Variants in PAX7 observed in about 807,000 individuals in gnomAD.
PAX7 encodes the protein paired box protein Pax-7.
Under a neutral mutation model 50.7 loss-of-function variants are expected in PAX7, and 18 were observed. The observed-to-expected ratio is 0.36, with a 90% CI of 0.25 to 0.53. The LOEUF (loss-of-function observed/expected upper bound fraction) is 0.53, where lower values mean the gene tolerates loss of function less well. Ranked by LOEUF, PAX7 falls within the 20% of genes least tolerant of loss-of-function variation. The probability of loss-of-function intolerance (pLI) is 0.93; values close to 1 mark genes in which losing one functional copy is unlikely to be tolerated. For missense variants in PAX7, 644 were observed against 702.9 expected (o/e 0.92, Z 0.95); for synonymous variants, 310 against 290.4 (o/e 1.07, Z -0.69).
intron 5 of PAX7, among the ~76,000 whole-genome samples, chr1:18,694,158 T>C (rs937431257): frequency 6.6e-6 from 1 of 152,068 alleles, no homozygotes; most frequent in Non-Finnish European, 1.5e-5. Context: ...ACAAAAAACG[T>C]TTGAGTTTTT....
intron 4 of PAX7, among the ~76,000 whole-genome samples, chr1:18,676,156 G>A (rs1219671598): frequency 6.6e-6 from 1 of 152,102 alleles, no homozygotes; most frequent in East Asian, 1.9e-4. Flanking sequence ...AAAATTTCTC[G>A]TTTTCTGCCT....
chr1:18,643,885 G>A (rs2088298140), intron 4 of PAX7, among the ~76,000 whole-genome samples: 1 of 152,174 alleles, frequency 6.6e-6, no homozygotes. Flanking sequence ...CTCCAACCCG[G>A]GGCGCTGGGC....
chr1:18,668,879 C>A (rs547324297), intron 4 of PAX7, among the ~76,000 whole-genome samples: 1 of 152,208 alleles, frequency 6.6e-6, no homozygotes, highest in Non-Finnish European at 1.5e-5. Context: ...TTGAGGCAGG[C>A]GGGTGTGTCT....
chr1:18,680,540 C>T (rs1157391505), intron 4 of PAX7, among the ~76,000 whole-genome samples: 1 of 152,182 alleles, frequency 6.6e-6, no homozygotes, highest in East Asian at 1.9e-4. Flanking sequence ...GAACGAGGCT[C>T]AGGACTTAAA....
Position 18,735,519 on chromosome 1 carries a change from A to G in PAX7, c.1156-113A>G. On this transcript the variant is annotated intron_variant, in intron 7 of 8. Coordinates refer to ENST00000420770, the MANE Select transcript of PAX7 (RefSeq NM_001135254.2). This position sits in a 1 kb window ranked among gnomAD's most constrained non-coding sequence, Gnocchi z 4.0. ...GGACCTCGAAGCTACAGAGACTTCA[A>G]GGGAACAACTCTGGCAAAGAGTGTT... The G allele has an allele frequency of 6.6e-7, 1 of 1,508,230 alleles. No homozygotes were observed. Among genetic ancestry groups the G allele is most frequent in the Non-Finnish European group, 8.9e-7 (1 of 1,126,082 alleles). 93.4% of individuals were successfully genotyped at this position (1,508,230 alleles called of 1,614,324 possible).
chr1:18,672,607 T>G lies in PAX7; in HGVS notation c.587-19147T>G, dbSNP rs552890996. Among the ~76,000 whole-genome samples the G allele has an allele frequency of 3.0e-3, 451 of 148,030 alleles. 4 individuals carry two copies. Among genetic ancestry groups the G allele is most frequent in the African/African-American group, 0.01 (412 of 39,360 alleles). On this transcript the variant is annotated intron_variant, in intron 4 of 8. Coordinates refer to ENST00000420770, the MANE Select transcript of PAX7 (RefSeq NM_001135254.2). ...CTGGAGAGCACTGTGTTTTTTTTTT[T>G]TTTTTTTTTTGTGAGACTAAGTCTC...
intron 4 of PAX7, among the ~76,000 whole-genome samples, chr1:18,653,082 C>T (rs1463095050): frequency 1.3e-5 from 2 of 152,226 alleles, no homozygotes; most frequent in Non-Finnish European, 2.9e-5. Flanking sequence ...TCAGCTGATT[C>T]ACAGGGTCCT....
chr1:18,698,632 C>A (rs920419710), intron 5 of PAX7, among the ~76,000 whole-genome samples: 57 of 152,354 alleles, frequency 3.7e-4, no homozygotes, highest in Non-Finnish European at 1.5e-5. Context: ...AGCCTGGAAG[C>A]TCGGAGGCAA....
chr1:18,715,192 C>T (rs953850784), intron 7 of PAX7, among the ~76,000 whole-genome samples: 5 of 151,734 alleles, frequency 3.3e-5, no homozygotes, highest in Admixed American at 1.3e-4. Context: ...ATTGTCATCT[C>T]AAGCCCACCC....
At chr1:18,709,556 T>C (rs1039128552) in intron 7 of PAX7, among the ~76,000 whole-genome samples, 28 of 152,200 alleles carry the variant, frequency 1.8e-4, no homozygotes, top group Non-Finnish European at 3.4e-4. Context: ...GCAGAGATCA[T>C]GCTTACAGAG....
chr1:18,740,435 T>A (rs1452628885), intron 8 of PAX7, among the ~76,000 whole-genome samples: 1 of 152,204 alleles, frequency 6.6e-6, no homozygotes, highest in African/African-American at 2.4e-5. Context: ...TCCTCCTCCA[T>A]GTCACGCACT....
intron 4 of PAX7, among the ~76,000 whole-genome samples, chr1:18,677,554 T>C (rs995319985): frequency 1.3e-5 from 2 of 152,172 alleles, no homozygotes; most frequent in African/African-American, 4.8e-5. Context: ...GTGCACAGAA[T>C]GTTAGGTTTC....
chr1:18,723,215 C>CCGGG (rs1440525463), intron 7 of PAX7, among the ~76,000 whole-genome samples: 3 of 152,154 alleles, frequency 2.0e-5, no homozygotes, highest in Non-Finnish European at 4.4e-5. Context: ...CTTCAAACAC[C>CCGGG]CGGGATAATA....
intron 8 of PAX7, among the ~76,000 whole-genome samples, chr1:18,737,272 G>T (rs780232687): frequency 6.6e-6 from 1 of 152,242 alleles, no homozygotes; most frequent in African/African-American, 2.4e-5. Flanking sequence ...ATCCCTGAGG[G>T]TGTCCTCTCC....
intron 4 of PAX7, among the ~76,000 whole-genome samples, chr1:18,654,546 G>A (rs1296472284): frequency 6.6e-6 from 1 of 152,160 alleles, no homozygotes; most frequent in African/African-American, 2.4e-5. Flanking sequence ...TCTTCCCAGC[G>A]AGTGGCAAGG....
intron 4 of PAX7, among the ~76,000 whole-genome samples, chr1:18,668,625 G>T (rs1219668273): frequency 6.6e-6 from 1 of 152,172 alleles, no homozygotes; most frequent in African/African-American, 2.4e-5. Context: ...GATGGCATGA[G>T]CCTGGGAGGT....
At chr1:18,640,934 G>A (rs2088243089) in intron 4 of PAX7, among the ~76,000 whole-genome samples, 1 of 152,086 alleles carries the variant, frequency 6.6e-6, no homozygotes, top group African/African-American at 2.4e-5. Context: ...CTCCCGGCGA[G>A]GGGCCGAGCC....
At chr1:18,738,813 C>G (rs1284929652) in intron 8 of PAX7, among the ~76,000 whole-genome samples, 1 of 152,194 alleles carries the variant, frequency 6.6e-6, no homozygotes, top group African/African-American at 2.4e-5. Flanking sequence ...CACACACTTG[C>G]CTCTCTGAGC....
intron 4 of PAX7, among the ~76,000 whole-genome samples, chr1:18,643,852 G>A (rs2100441490): frequency 6.6e-6 from 1 of 152,340 alleles, no homozygotes; most frequent in Non-Finnish European, 1.5e-5. Flanking sequence ...GGCCGACCCC[G>A]AGGCGGGAGG....
Sources: gnomAD v4.1 joint callset for allele counts (sites outside exome capture counted in the v4.1 genomes callset) on GRCh38, gnomAD v4.1.1 for gene constraint, Gnocchi (gnomAD v3.1) non-coding constraint, MANE v1.5 for transcripts, NCBI Gene and HGNC (gene_info 2026-07-23, HGNC 2026-07-21) for gene names.